The following GAPDHS variants were observed in gnomAD, a reference collection of about 807,000 sequenced individuals.
GAPDHS encodes the protein glyceraldehyde-3-phosphate dehydrogenase, spermatogenic.
A neutral mutation model predicts 48.7 loss-of-function variants in GAPDHS; 42 were observed. That is an observed-to-expected ratio of 0.86 (90% CI 0.67 to 1.12). The LOEUF is 1.12. Ranked by LOEUF, GAPDHS falls within the 50% of genes most tolerant of loss-of-function variation. GAPDHS has a pLI of 0.00. For missense variants in GAPDHS, 512 were observed against 557.7 expected (o/e 0.92, Z 0.82); for synonymous variants, 166 against 219.1 (o/e 0.76, Z 2.14).
intron 6 of GAPDHS, 41 bp from the exon 7 acceptor site, chr19:35,542,904 G>A (rs1193944157): frequency 5.3e-6 from 8 of 1,503,720 alleles, no homozygotes; most frequent in Middle Eastern, 1.7e-4. Flanking sequence ...GTGGCTCTGC[G>A]ACTCACCTCA....
rs1283628054 is a variant in GAPDHS at position 35,542,351 on chromosome 19, T to C, written c.482T>C (p.Val161Ala). The change falls in exon 5 of 11, where the codon GTC (valine) becomes GCC (alanine). Residue 161 changes from valine (V) to alanine (A), a missense_variant. Val to Ala is a moderately conservative substitution (Grantham distance 64). Coordinates refer to ENST00000222286, the MANE Select transcript of GAPDHS (RefSeq NM_014364.5). ...CCCAAACAGATCCCCTGGAGGGCTG[T>C]CGGGAGCCCCTACGTGGTGGAGTCC... ...KEPKQIPWRA[V>A]GSPYVVESTG... The C allele has an allele frequency of 6.2e-7, 1 of 1,612,970 alleles. No homozygotes were observed. Among genetic ancestry groups the C allele is most frequent in the Non-Finnish European group, 8.5e-7 (1 of 1,179,756 alleles).
intron 2 of GAPDHS, 63 bp from the exon 3 acceptor site, chr19:35,538,244 T>C: frequency 8.6e-7 from 1 of 1,156,442 alleles, no homozygotes; most frequent in Non-Finnish European, 1.3e-6. Context: ...ACCAGGCTCC[T>C]TGAGGGAGCC....
intron 2 of GAPDHS, 81 bp downstream of exon 2, chr19:35,537,071 C>G (rs1872981613): frequency 1.7e-6 from 2 of 1,169,760 alleles, no homozygotes; most frequent in Admixed American, 2.1e-5. Flanking sequence ...GGCACCTCCA[C>G]ATTTCCCCCC....
intron 1 of GAPDHS, among the ~76,000 whole-genome samples, chr19:35,534,604 G>A (rs1010204945): frequency 6.6e-6 from 1 of 152,062 alleles, no homozygotes; most frequent in African/African-American, 2.4e-5. Flanking sequence ...TGGGAGAGGA[G>A]GACCATCTGA....
intron 4 of GAPDHS, among the ~76,000 whole-genome samples, chr19:35,539,237 T>G (rs1240065210): frequency 6.6e-6 from 1 of 152,234 alleles, no homozygotes; most frequent in Non-Finnish European, 1.5e-5. Flanking sequence ...CATATCAACA[T>G]GTCCAGAACT....
chr19:35,544,218 C>T, intron 9 of GAPDHS: 1 of 185,486 alleles, frequency 5.4e-6, no homozygotes, highest in South Asian at 1.3e-4. Context: ...ACCTGGCATA[C>T]AGCAGGTGAC....
chr19:35,538,893 CACTGT>C (rs1465367518), intron 4 of GAPDHS, among the ~76,000 whole-genome samples: 2 of 152,174 alleles, frequency 1.3e-5, no homozygotes, highest in African/African-American at 4.8e-5. Flanking sequence ...AAAGATGCCT[CACTGT>C]ACTGAAGAAT....
At chr19:35,535,271 AGT>A (rs1477536666) in intron 1 of GAPDHS, among the ~76,000 whole-genome samples, 1 of 152,086 alleles carries the variant, frequency 6.6e-6, no homozygotes, top group Admixed American at 6.5e-5. Flanking sequence ...TGGGAGCAGG[AGT>A]GTGTGTGGAG....
At chr19:35,543,933 CAGGA>C (rs1368192813) in intron 9 of GAPDHS, 106 bp downstream of exon 9, 3 of 1,436,172 alleles carry the variant, frequency 2.1e-6, no homozygotes, top group Non-Finnish European at 2.7e-6. Flanking sequence ...AACTGCAGGG[CAGGA>C]AGGGAGATCT....
chr19:35,534,599 G>A (rs909889082), intron 1 of GAPDHS, among the ~76,000 whole-genome samples: 3 of 152,116 alleles, frequency 2.0e-5, no homozygotes, highest in African/African-American at 7.2e-5. Context: ...AGTGCTGGGA[G>A]AGGAGGACCA....
chr19:35,534,541 C>T (rs1290116451), intron 1 of GAPDHS, among the ~76,000 whole-genome samples: 2 of 152,072 alleles, frequency 1.3e-5, no homozygotes, highest in Non-Finnish European at 2.9e-5. Flanking sequence ...TTTCTCCAAC[C>T]GGGGGACCCC....
chr19:35,544,661 G>A, intron 9 of GAPDHS: 1 of 545,510 alleles, frequency 1.8e-6, no homozygotes, highest in East Asian at 3.1e-5. Context: ...ATTATTCCTA[G>A]GAAAGGGATG....
intron 8 of GAPDHS, 60 bp from the exon 9 acceptor site, chr19:35,543,605 G>C: frequency 1.3e-6 from 2 of 1,592,662 alleles, no homozygotes; most frequent in South Asian, 2.3e-5. Context: ...ACAGGGAAAG[G>C]GGGAATGGAG....
rs1334162731 is a variant in GAPDHS, at chr19:35,538,213, C to A, written c.246-94C>A. Reference sequence around the variant, plus strand: ...CCAGCACAGAGGTTGTTGCCTTCTTCCCCTGGATTAAGGATTCCCAACCAG... The same window carrying A: ...CCAGCACAGAGGTTGTTGCCTTCTTACCCTGGATTAAGGATTCCCAACCAG... On this transcript the variant is annotated intron_variant, in intron 2 of 10. Transcript: ENST00000222286. 3.7e-6 allele frequency: 3 copies of A among 817,872 alleles called. No homozygotes were observed. The African/African-American group carries it at 5.1e-5, about 14-fold the overall frequency. The allele number at this position is 817,872 out of a possible 1,614,324, so 50.7% of individuals were successfully genotyped here. A position where few individuals can be genotyped will look rare whatever the true frequency, so the allele number is the denominator to read the frequency against.
intron 7 of GAPDHS, 108 bp from the exon 8 acceptor site, chr19:35,543,232 G>A (rs148840077): frequency 1.5e-6 from 2 of 1,312,336 alleles, no homozygotes; most frequent in Non-Finnish European, 2.2e-6. Context: ...GGTCTGTGGT[G>A]GTGGCCCCAC....
intron 1 of GAPDHS, 77 bp downstream of exon 1, chr19:35,533,671 G>C (rs566757649): frequency 5.4e-6 from 6 of 1,120,604 alleles, no homozygotes; most frequent in Non-Finnish European, 7.8e-6. Context: ...CACCTGTGCC[G>C]TATCCCTACC....
Position 35,536,809 on chromosome 19 carries a change from A to T in GAPDHS, c.68-4A>T. 6.2e-7 allele frequency: 1 copy of T among 1,600,722 alleles called. No individual in the cohort carries two copies. On this transcript the variant is annotated splice_region_variant and splice_polypyrimidine_tract_variant and intron_variant, in intron 1 of 10. Coordinates refer to ENST00000222286, the MANE Select transcript of GAPDHS (RefSeq NM_014364.5). ...CAACCCATTCCCTCCCTTCCCCCGC[A>T]TAGTGACCAGAGCACCGCCCCCACC... is the stretch of plus-strand genomic sequence containing the variant.
Position 35,538,339 on chromosome 19 carries a change from C to T in GAPDHS, c.278C>T (p.Ala93Val). Reference sequence around the variant, plus strand: ...CGCATCGGTCGCCTGGTCCTGCGCGCCTGCATGGAGAAGGGTGTTAAGGTG... The same window carrying T: ...CGCATCGGTCGCCTGGTCCTGCGCGTCTGCATGGAGAAGGGTGTTAAGGTG... The part of the protein sequence containing the change: ...FGRIGRLVLR[A>V]CMEKGVKVVA... Residue 93 changes from alanine to valine, a missense_variant, in exon 3 of 11, where the codon GCC becomes GTC. Physicochemically the swap from Ala to Val is moderately conservative, Grantham distance 64. Transcript: ENST00000222286. 1.2e-6 allele frequency: 2 copies of T among 1,613,760 alleles called. No individual in the cohort carries two copies. Among genetic ancestry groups the T allele is most frequent in the East Asian group, 4.5e-5 (2 of 44,874 alleles).
At position 35,536,933 on chromosome 19, in the gene GAPDHS, C is replaced by A. The variant is rs531268095; in HGVS notation, c.188C>A (p.Ala63Asp). Residue 63 changes from alanine (A) to aspartate (D), a missense_variant, in exon 2 of 11, where the codon GCT becomes GAT. Transcript: ENST00000222286. The stretch of plus-strand genomic sequence containing the variant: ...CCGCCACCACTGCCTCCTCACCCCG[C>A]TACTCCTCCTCCTAAGATGGTGTCT... Reference protein sequence around the residue: ...PPPPPLPPHPATPPPKMVSVA... With the variant: ...PPPPPLPPHPDTPPPKMVSVA... The A allele has an allele frequency of 6.2e-7, 1 of 1,614,158 alleles. No homozygotes were observed. The highest frequency in any genetic ancestry group is 8.5e-7 in the Non-Finnish European group (1 of 1,180,010).
Sources: allele counts gnomAD v4.1 joint callset (sites outside exome capture counted in the v4.1 genomes callset), GRCh38; gene constraint gnomAD v4.1.1; transcripts MANE v1.5; gene names NCBI Gene and HGNC (gene_info 2026-07-23, HGNC 2026-07-21).